The following ASAP1 variants were observed in gnomAD, a reference collection of about 807,000 sequenced individuals.
ASAP1 encodes ArfGAP with SH3 domain, ankyrin repeat and PH domain 1.
ASAP1 carries 43 observed loss-of-function variants against 145.2 expected under a neutral mutation model. The observed-to-expected ratio is 0.30, with a 90% CI of 0.23 to 0.38. The LOEUF is 0.38. Among genes scored for constraint, ASAP1 ranks in the 10% least tolerant of loss-of-function variants. The pLI is 1.00. For synonymous variants in ASAP1, 546 were observed against 515.5 expected (o/e 1.06, Z -0.80); for missense variants, 1,018 against 1,355.3 (o/e 0.75, Z 3.91).
chr8:130,093,686 A>AAAAAAAAAAAAAG (rs767063471), intron 24 of ASAP1, among the ~76,000 whole-genome samples: 85 of 131,954 alleles, frequency 6.4e-4, no homozygotes, highest in African/African-American at 1.4e-3. Flanking sequence ...AAAAAAAAAA[A>AAAAAAAAAAAAAG]AAAGAAAGCT....
At chr8:130,365,144 C>A (rs1159105417) in intron 2 of ASAP1, among the ~76,000 whole-genome samples, 1 of 152,150 alleles carries the variant, frequency 6.6e-6, no homozygotes, top group African/African-American at 2.4e-5. Flanking sequence ...CAGGCTTGGC[C>A]TTTTACAAGC....
chr8:130,093,427 G>A (rs2097509934), intron 24 of ASAP1, among the ~76,000 whole-genome samples: 1 of 152,130 alleles, frequency 6.6e-6, no homozygotes, highest in Admixed American at 6.5e-5. Context: ...AGCACTTTGA[G>A]AGGCCGAGGT....
chr8:130,292,699 T>G (rs1009245753), intron 3 of ASAP1, among the ~76,000 whole-genome samples: 2 of 152,158 alleles, frequency 1.3e-5, no homozygotes, highest in Non-Finnish European at 2.9e-5. Context: ...CTCTCATATC[T>G]CAATGTGGAA....
chr8:130,211,988 G>A (rs535995791), intron 5 of ASAP1, among the ~76,000 whole-genome samples: 1 of 152,308 alleles, frequency 6.6e-6, no homozygotes, highest in East Asian at 1.9e-4. Flanking sequence ...GGGGCTGCAG[G>A]TGCTGCACGA....
At chr8:130,178,074 ACCT>A (rs1429025359) in intron 9 of ASAP1, among the ~76,000 whole-genome samples, 1 of 152,200 alleles carries the variant, frequency 6.6e-6, no homozygotes, top group Non-Finnish European at 1.5e-5. Context: ...ATTAATGCTG[ACCT>A]CCTTAAATGT....
chr8:130,108,235 T>C (rs2097540829), intron 24 of ASAP1, among the ~76,000 whole-genome samples: 2 of 152,188 alleles, frequency 1.3e-5, no homozygotes, highest in South Asian at 4.1e-4. Flanking sequence ...GTGTATGAAA[T>C]GAAGAATTAA....
chr8:130,140,739 G>A (rs1456816033), intron 13 of ASAP1, among the ~76,000 whole-genome samples: 1 of 152,174 alleles, frequency 6.6e-6, no homozygotes, highest in East Asian at 1.9e-4. Flanking sequence ...TAAACATAGT[G>A]CTCTTCTCCA....
chr8:130,169,536 A>G (rs1172755321), intron 9 of ASAP1, among the ~76,000 whole-genome samples: 3 of 152,248 alleles, frequency 2.0e-5, no homozygotes, highest in Non-Finnish European at 4.4e-5. Context: ...AAATTCATTC[A>G]GTTCCTCAAA....
intron 18 of ASAP1, 74 bp downstream of exon 18, chr8:130,123,939 A>T (rs1191473915): frequency 1.6e-6 from 2 of 1,218,348 alleles, no homozygotes; most frequent in Non-Finnish European, 2.4e-6. Flanking sequence ...AAAAAAAAAA[A>T]AGAAGTTTTT....
rs192074839 is a variant in ASAP1, at chr8:130,086,353, C to T, written c.2572+5620G>A. On this transcript the variant is annotated intron_variant, in intron 25 of 29. Transcript: ENST00000518721. The stretch of plus-strand genomic sequence containing the variant: ...TGTAACCATGGTTAAGAATGAGGTA[C>T]GTTAACACATGCGAAGTGCTCAACA... 1.4e-4 allele frequency among the ~76,000 whole-genome samples: 22 copies of T among 152,324 alleles called. No homozygotes were observed. The East Asian group carries it at 3.3e-3, about 23-fold the overall frequency.
chr8:130,329,374 T>C (rs1324626387), intron 3 of ASAP1, among the ~76,000 whole-genome samples: 1 of 152,216 alleles, frequency 6.6e-6, no homozygotes, highest in East Asian at 1.9e-4. Flanking sequence ...CATTTAAGAC[T>C]GTGAGAACTT....
At chr8:130,429,990 G>A (rs1830081393) in intron 1 of ASAP1, among the ~76,000 whole-genome samples, 1 of 152,246 alleles carries the variant, frequency 6.6e-6, no homozygotes, top group East Asian at 1.9e-4. Context: ...TGATTGCCCA[G>A]GAAGTTACAA....
Position 130,072,790 on chromosome 8 carries a change from G to GGTGTGT in ASAP1, c.2701+3557_2701+3558insACACAC, listed in dbSNP as rs142924621. The stretch of plus-strand genomic sequence containing the variant: ...GTTCTGAAGGCCTGGACTTGCAATT[G>GGTGTGT]ATATGTGTGTGTGTGTGTGTGTGTG... On this transcript the variant is annotated intron_variant, in intron 27 of 29. Transcript: ENST00000518721. Among the ~76,000 whole-genome samples the GGTGTGT allele has an allele frequency of 4.0e-3, 261 of 66,032 alleles. 29 individuals carry two copies. The highest frequency in any genetic ancestry group is 0.017 in the Middle Eastern group (2 of 120). The allele number at this position is 66,032 out of a possible 152,430, so 43.3% of individuals were successfully genotyped here.
At chr8:130,255,692 T>C (rs956360057) in intron 3 of ASAP1, among the ~76,000 whole-genome samples, 1 of 152,222 alleles carries the variant, frequency 6.6e-6, no homozygotes, top group East Asian at 1.9e-4. Context: ...AATATGATTA[T>C]GAATTATCAG....
At chr8:130,112,398 G>C in intron 23 of ASAP1, 76 bp from the exon 24 acceptor site, 2 of 1,278,496 alleles carry the variant, frequency 1.6e-6, no homozygotes, top group Non-Finnish European at 1.1e-6. Context: ...CCGCAGGGCG[G>C]GCTCAGGTGG....
intron 15 of ASAP1, 34 bp downstream of exon 15, chr8:130,134,262 C>T (rs760142981): frequency 2.0e-6 from 3 of 1,508,984 alleles, no homozygotes; most frequent in Non-Finnish European, 1.8e-6. Flanking sequence ...TTTTTCAATC[C>T]AAGGCATCGC....
At chr8:130,091,433 G>A (rs867382775) in intron 25 of ASAP1, among the ~76,000 whole-genome samples, 7 of 152,318 alleles carry the variant, frequency 4.6e-5, no homozygotes, top group African/African-American at 1.7e-4. Flanking sequence ...AGAGGATGGT[G>A]TATCCAAGAA....
Position 130,378,927 on chromosome 8 carries a change from GA to G in ASAP1, c.60-20785del, listed in dbSNP as rs1487213478. On this transcript the variant is annotated intron_variant, in intron 2 of 29. Coordinates refer to ENST00000518721, the MANE Select transcript of ASAP1 (RefSeq NM_018482.4). Reference sequence around the variant, plus strand: ...TCATCTGATCTCATTAATATTATGAGATCATTGTGGTATCATAAAAAATAGA... The same window carrying G: ...TCATCTGATCTCATTAATATTATGAGTCATTGTGGTATCATAAAAAATAGA... Among the ~76,000 whole-genome samples the G allele has an allele frequency of 5.3e-5, 8 of 152,250 alleles. No homozygotes were observed. In the East Asian group the frequency reaches 1.5e-3, roughly 29 times the overall value.
chr8:130,147,222 A>AAAG (rs2097633663), intron 13 of ASAP1, among the ~76,000 whole-genome samples: 1 of 151,776 alleles, frequency 6.6e-6, no homozygotes, highest in East Asian at 1.9e-4. Context: ...AAAAAAAAAA[A>AAAG]AAAAAGAATT....
Sources: allele counts gnomAD v4.1 joint callset (sites outside exome capture counted in the v4.1 genomes callset), GRCh38; gene constraint gnomAD v4.1.1; transcripts MANE v1.5; gene names NCBI Gene and HGNC (gene_info 2026-07-23, HGNC 2026-07-21).